Variants in CBFA2T3 observed in about 807,000 individuals in gnomAD.
The protein encoded by CBFA2T3 is transcriptional corepressor CBFA2T3.
Under a neutral mutation model 58.6 loss-of-function variants are expected in CBFA2T3, and 31 were observed. The observed-to-expected ratio is 0.53, with a 90% CI of 0.40 to 0.71. The LOEUF (loss-of-function observed/expected upper bound fraction) is 0.71, where lower values mean the gene tolerates loss of function less well. Among genes scored for constraint, CBFA2T3 ranks in the 30% least tolerant of loss-of-function variants. The pLI is 0.00. For missense variants in CBFA2T3, 1,076 were observed against 963.1 expected, an observed-to-expected ratio of 1.12 and a Z score of -1.55; for synonymous variants, 531 against 421.9, an observed-to-expected ratio of 1.26 and a Z score of -3.17.
rs1969200480 is a variant in CBFA2T3, at chr16:88,883,214, G to A, written c.1118-453C>T. On this transcript the variant is annotated intron_variant, in intron 7 of 11. Coordinates refer to ENST00000268679, the MANE Select transcript of CBFA2T3 (RefSeq NM_005187.6). ...CAGTGCCAAGTCACACCATGACCTGGACCTGCCTTAGTCCGTGAATCAATG... is the reference window on the plus strand; with the variant it reads ...CAGTGCCAAGTCACACCATGACCTGAACCTGCCTTAGTCCGTGAATCAATG... The A allele has an allele frequency of 1.8e-5, 4 of 222,238 alleles. No homozygotes were observed. In the South Asian group the frequency reaches 2.4e-4, roughly 13 times the overall value. 13.8% of individuals were successfully genotyped at this position (222,238 alleles called of 1,614,324 possible).
At chr16:88,961,839 C>T (rs1405700537) in intron 1 of CBFA2T3, among the ~76,000 whole-genome samples, 2 of 141,248 alleles carry the variant, frequency 1.4e-5, no homozygotes, top group African/African-American at 5.3e-5. Context: ...CGACACTCAG[C>T]GCTGGACATT....
chr16:88,918,974 A>T (rs1277884310), intron 1 of CBFA2T3, among the ~76,000 whole-genome samples: 1 of 152,366 alleles, frequency 6.6e-6, no homozygotes, highest in African/African-American at 2.4e-5. Context: ...CTGTGCTGAC[A>T]TTCTTAAATA....
At position 88,885,244 on chromosome 16, in the gene CBFA2T3, C is replaced by T. The variant is rs747324207; in HGVS notation, c.919G>A (p.Asp307Asn). The change falls in exon 7 of 12, where the codon GAC becomes AAC. Residue 307 changes from aspartate to asparagine, a missense_variant. By Grantham distance (23) the Asp-to-Asn change is conservative (BLOSUM62 1). Transcript: ENST00000268679. The surrounding 1 kb of genome is among the most constrained non-coding windows in gnomAD (Gnocchi z 5.3). ...CTGAGGTGCTCGGGGTGCAGCGGGT[C>T]GCGGTCTGACCCGTTCTCTTTGGTC... ...DRTKENGSDR[D>N]PLHPEHLSKR... 59 of 1,572,456 alleles carry T rather than the reference C, an allele frequency of 3.8e-5. No homozygotes were observed. The Admixed American group carries it at 8.7e-4, about 23-fold the overall frequency.
At chr16:88,929,821 C>A (rs930362829) in intron 1 of CBFA2T3, among the ~76,000 whole-genome samples, 9 of 151,064 alleles carry the variant, frequency 6.0e-5, no homozygotes, top group African/African-American at 2.0e-4. Flanking sequence ...ACAAAAGCTA[C>A]CAATACCCAC....
intron 1 of CBFA2T3, among the ~76,000 whole-genome samples, chr16:88,920,914 T>C (rs187709334): frequency 1.3e-5 from 2 of 152,366 alleles, no homozygotes; most frequent in Non-Finnish European, 2.9e-5. Context: ...CCAAACTCAC[T>C]GGGGAGGCAT....
Position 88,876,883 on chromosome 16 carries a change from C to A in CBFA2T3, c.*93G>T. ...CAGGCGGGGCGCAGTGTCTGGCAGG[C>A]CAGGCATCGGAGGCCAGGCACAGCA... On this transcript the variant is annotated 3_prime_UTR_variant, in exon 12 of 12. Transcript: ENST00000268679. 1 of 1,043,968 alleles carries A rather than the reference C, an allele frequency of 9.6e-7. No homozygotes were observed. Among genetic ancestry groups the A allele is most frequent in the South Asian group, 1.9e-5 (1 of 51,810 alleles). The allele number at this position is 1,043,968 out of a possible 1,614,324, so 64.7% of individuals were successfully genotyped here.
At chr16:88,926,379 T>A (rs1971085831) in intron 1 of CBFA2T3, among the ~76,000 whole-genome samples, 1 of 152,330 alleles carries the variant, frequency 6.6e-6, no homozygotes, top group Middle Eastern at 3.4e-3. Context: ...GGACCTGGCG[T>A]GCTATGGGCT....
intron 11 of CBFA2T3, 57 bp from the exon 12 acceptor site, chr16:88,877,332 A>G (rs1470356032): frequency 7.1e-7 from 1 of 1,403,324 alleles, no homozygotes; most frequent in African/African-American, 1.5e-5. Flanking sequence ...AATCCCCAAC[A>G]CACGCCTCAA....
rs147236100 is a variant in CBFA2T3, at chr16:88,962,627, G to A, written c.151+14030C>T. Among the ~76,000 whole-genome samples the A allele has an allele frequency of 2.9e-3, 435 of 152,298 alleles. 4 individuals carry two copies. Among genetic ancestry groups the A allele is most frequent in the East Asian group, 0.022 (116 of 5,180 alleles). ...TTTGGGAGGACTGAACACAGATGCC[G>A]AGTCCCCTGGACCACGTTTCGGGGG... On this transcript the variant is annotated intron_variant, in intron 1 of 11. Coordinates refer to ENST00000268679, the MANE Select transcript of CBFA2T3 (RefSeq NM_005187.6).
rs574408617 is a variant in CBFA2T3 at position 88,882,397 on chromosome 16, G to C, written c.1203+279C>G. 8.6e-5 allele frequency among the ~76,000 whole-genome samples: 13 copies of C among 151,630 alleles called. No individual in the cohort carries two copies. The South Asian group carries it at 1.7e-3, about 20-fold the overall frequency. ...GGGTTGTGTGCATGGGTATGGCTGT[G>C]TGTGTGGGTGTGGCTGTGTGTGTAT... On this transcript the variant is annotated intron_variant, in intron 8 of 11. Coordinates refer to ENST00000268679, the MANE Select transcript of CBFA2T3 (RefSeq NM_005187.6).
chr16:88,928,865 G>A (rs766543676), intron 1 of CBFA2T3, among the ~76,000 whole-genome samples: 3 of 152,234 alleles, frequency 2.0e-5, no homozygotes, highest in South Asian at 2.1e-4. Context: ...TGGGAGCCAC[G>A]CAGGCGTCGG....
At chr16:88,912,760 G>A (rs1970570743) in intron 1 of CBFA2T3, among the ~76,000 whole-genome samples, 1 of 152,244 alleles carries the variant, frequency 6.6e-6, no homozygotes, top group South Asian at 2.1e-4. Flanking sequence ...CCTGTCCTCT[G>A]CAGGTTCAAC....
intron 1 of CBFA2T3, chr16:88,940,151 C>T (rs1160238387): frequency 6.5e-6 from 1 of 154,240 alleles, no homozygotes; most frequent in African/African-American, 2.4e-5. Flanking sequence ...CTTCCTGGGC[C>T]CTGGAATGGG....
intron 1 of CBFA2T3, among the ~76,000 whole-genome samples, chr16:88,907,692 C>T (rs1306597962): frequency 6.6e-6 from 1 of 152,234 alleles, no homozygotes; most frequent in African/African-American, 2.4e-5. Flanking sequence ...GGGGAGGCAC[C>T]TGCCCTCCTG....
At chr16:88,918,919 G>A (rs1397248810) in intron 1 of CBFA2T3, among the ~76,000 whole-genome samples, 1 of 152,212 alleles carries the variant, frequency 6.6e-6, no homozygotes, top group Non-Finnish European at 1.5e-5. Context: ...CGTCTAATTA[G>A]GAATAAACAG....
At chr16:88,933,202 G>C (rs1278617001) in intron 1 of CBFA2T3, among the ~76,000 whole-genome samples, 2 of 152,234 alleles carry the variant, frequency 1.3e-5, no homozygotes, top group Non-Finnish European at 2.9e-5. Flanking sequence ...TGCCTCACTG[G>C]TCAACTCCTG....
At position 88,969,202 on chromosome 16, in the gene CBFA2T3, C is replaced by T. The variant is rs190372342; in HGVS notation, c.151+7455G>A. 2.7e-3 allele frequency among the ~76,000 whole-genome samples: 408 copies of T among 152,288 alleles called. 2 individuals carry two copies. The highest frequency in any genetic ancestry group is 0.01 in the Middle Eastern group (3 of 294). On this transcript the variant is annotated intron_variant, in intron 1 of 11. Coordinates refer to ENST00000268679, the MANE Select transcript of CBFA2T3 (RefSeq NM_005187.6). ...GCTGCAGCGGACACGGCTGGAGGGA[C>T]GGTTGCAAGGTCCCCTCCCCCACTC...
intron 9 of CBFA2T3, 125 bp from the exon 10 acceptor site, chr16:88,880,913 C>T: frequency 2.2e-6 from 2 of 901,168 alleles, no homozygotes; most frequent in Non-Finnish European, 3.5e-6. Flanking sequence ...GGGGGAGGCC[C>T]AGGTGCCCTC....
chr16:88,881,526 G>T (rs770813127), intron 8 of CBFA2T3, 37 bp from the exon 9 acceptor site: 2 of 1,575,850 alleles, frequency 1.3e-6, no homozygotes, highest in South Asian at 2.2e-5. Context: ...CACCTCAGAG[G>T]GACCGGGACG....
Sources: allele counts gnomAD v4.1 joint callset (sites outside exome capture counted in the v4.1 genomes callset), GRCh38; gene constraint gnomAD v4.1.1; non-coding constraint Gnocchi (gnomAD v3.1); transcripts MANE v1.5; gene names NCBI Gene and HGNC (gene_info 2026-07-23, HGNC 2026-07-21).